Variants in SNTG1 observed in about 807,000 individuals in gnomAD.
SNTG1 encodes gamma-1-syntrophin.
Under a neutral mutation model 74.7 loss-of-function variants are expected in SNTG1, and 39 were observed. The ratio of observed to expected loss-of-function variants is 0.52; its 90% CI spans 0.40 to 0.68. The LOEUF (loss-of-function observed/expected upper bound fraction) is 0.68. SNTG1 is among the 30% of genes least tolerant of loss of function. The pLI, the probability that SNTG1 is intolerant of heterozygous loss-of-function variation, is 0.00. For synonymous variants in SNTG1, 254 were observed against 217.1 expected (o/e 1.17, Z -1.49); for missense variants, 685 against 609.5 (o/e 1.12, Z -1.30).
At chr8:50,664,146 A>G (rs2095239175) in intron 15 of SNTG1, among the ~76,000 whole-genome samples, 1 of 152,146 alleles carries the variant, frequency 6.6e-6, no homozygotes, top group Non-Finnish European at 1.5e-5. Flanking sequence ...AGAAAAACAA[A>G]AGCAAAAACT....
At chr8:50,236,632 A>G (rs953875319) in intron 2 of SNTG1, among the ~76,000 whole-genome samples, 10 of 151,736 alleles carry the variant, frequency 6.6e-5, no homozygotes, top group African/African-American at 2.4e-4. Context: ...TTGTGTTTTT[A>G]GTAGAGACGG....
At chr8:50,341,257 T>C (rs1321266323) in intron 2 of SNTG1, among the ~76,000 whole-genome samples, 3 of 151,948 alleles carry the variant, frequency 2.0e-5, no homozygotes, top group African/African-American at 7.2e-5. Context: ...TAGTCAGTAC[T>C]ATTAAAATAG....
At chr8:50,136,231 T>C (rs995002920) in intron 1 of SNTG1, among the ~76,000 whole-genome samples, 6 of 152,178 alleles carry the variant, frequency 3.9e-5, no homozygotes, top group Admixed American at 2.6e-4. Context: ...TGCATGTGTC[T>C]CTATGGTAGA....
Position 50,792,840 on chromosome 8 carries a change from T to A in SNTG1, c.*11T>A, listed in dbSNP as rs1462905453. 6.2e-7 allele frequency: 1 copy of A among 1,610,116 alleles called. No homozygotes were observed. Among genetic ancestry groups the A allele is most frequent in the Admixed American group, 1.7e-5 (1 of 59,720 alleles). ...AAGTATACAACTTGACATACTGAAC[T>A]CTTCATTGACACACCCCATGACTGT... On this transcript the variant is annotated 3_prime_UTR_variant, in exon 19 of 19. Coordinates refer to ENST00000642720, the MANE Select transcript of SNTG1 (RefSeq NM_018967.5).
intron 1 of SNTG1, among the ~76,000 whole-genome samples, chr8:49,995,710 G>A (rs908928220): frequency 1.3e-5 from 2 of 152,206 alleles, no homozygotes; most frequent in African/African-American, 4.8e-5. Context: ...GAGAGAGAAT[G>A]AGAAGTCAGC....
chr8:50,133,295 G>T (rs1002859695), intron 1 of SNTG1, among the ~76,000 whole-genome samples: 3 of 151,950 alleles, frequency 2.0e-5, no homozygotes, highest in African/African-American at 7.3e-5. Flanking sequence ...TCTCCATAAG[G>T]CCTCAACAGG....
Position 50,651,330 on chromosome 8 carries a change from A to T in SNTG1, c.850-5579A>T, listed in dbSNP as rs538758717. ...CTTGATCTAGATTCCTGGATTACAG[A>T]TGTTGAGACTTAAAAAAATGCATAT... On this transcript the variant is annotated intron_variant, in intron 13 of 18. Transcript: ENST00000642720. Among the ~76,000 whole-genome samples the T allele has an allele frequency of 5.8e-4, 88 of 151,980 alleles. 1 individual carries two copies. The South Asian group carries it at 8.1e-3, about 14-fold the overall frequency.
chr8:50,214,657 G>A (rs1205338237), intron 2 of SNTG1, among the ~76,000 whole-genome samples: 1 of 152,040 alleles, frequency 6.6e-6, no homozygotes, highest in Non-Finnish European at 1.5e-5. Context: ...GGTGTTCTTT[G>A]TGTAATGTAA....
intron 1 of SNTG1, among the ~76,000 whole-genome samples, chr8:50,099,426 T>G (rs1297344078): frequency 6.6e-6 from 1 of 152,122 alleles, no homozygotes. Context: ...CCCATTATCT[T>G]AGCAATTTTC....
chr8:50,666,456 G>T (rs951304695), intron 15 of SNTG1, among the ~76,000 whole-genome samples: 41 of 152,004 alleles, frequency 2.7e-4, no homozygotes, highest in Non-Finnish European at 4.7e-4. Context: ...GTTTGTAGAA[G>T]GTACACACAC....
chr8:50,744,624 A>C (rs896397962), intron 17 of SNTG1, among the ~76,000 whole-genome samples: 2 of 152,012 alleles, frequency 1.3e-5, no homozygotes, highest in Non-Finnish European at 2.9e-5. Flanking sequence ...CAAAAGTTGT[A>C]GGTCTTTGAC....
intron 8 of SNTG1, among the ~76,000 whole-genome samples, chr8:50,469,747 G>T (rs1484048331): frequency 6.6e-6 from 1 of 152,188 alleles, no homozygotes; most frequent in East Asian, 1.9e-4. Flanking sequence ...AGGAGGCCAA[G>T]ATGGTCAGAT....
chr8:50,371,405 T>C (rs901954266), intron 2 of SNTG1, among the ~76,000 whole-genome samples: 6 of 152,186 alleles, frequency 3.9e-5, no homozygotes, highest in Admixed American at 3.9e-4. Flanking sequence ...CCAGCTACCA[T>C]GGCTTCTCCC....
intron 1 of SNTG1, among the ~76,000 whole-genome samples, chr8:50,151,944 A>G (rs2082083735): frequency 6.6e-6 from 1 of 152,158 alleles, no homozygotes; most frequent in African/African-American, 2.4e-5. Flanking sequence ...TGCCGAGCTG[A>G]GTTCAATTCC....
intron 2 of SNTG1, among the ~76,000 whole-genome samples, chr8:50,371,236 C>A (rs1232996004): frequency 6.6e-6 from 1 of 152,166 alleles, no homozygotes; most frequent in Non-Finnish European, 1.5e-5. Flanking sequence ...GCGTGAGCTG[C>A]CCATCATTAA....
chr8:50,664,825 T>A (rs1294444592), intron 15 of SNTG1, among the ~76,000 whole-genome samples: 1 of 152,092 alleles, frequency 6.6e-6, no homozygotes, highest in African/African-American at 2.4e-5. Flanking sequence ...ATGGGGAACA[T>A]AGAGGAGTAG....
intron 2 of SNTG1, among the ~76,000 whole-genome samples, chr8:50,360,872 A>C (rs2091937268): frequency 6.6e-6 from 1 of 152,186 alleles, no homozygotes; most frequent in Non-Finnish European, 1.5e-5. Context: ...TGGTAAGTGA[A>C]TATGAAGGCC....
chr8:50,712,033 T>C (rs892765037), intron 17 of SNTG1, among the ~76,000 whole-genome samples: 1 of 152,220 alleles, frequency 6.6e-6, no homozygotes, highest in African/African-American at 2.4e-5. Context: ...TTTTATATAG[T>C]GATAGAGTTC....
chr8:50,009,184 C>T lies in SNTG1; in HGVS notation c.-103+96953C>T, dbSNP rs1192769944. ...ATCCTTATTCTATATGGCCTGCATG[C>T]TATTTGACTGGGGACTGATTTTTAT... On this transcript the variant is annotated intron_variant, in intron 1 of 18. Transcript: ENST00000642720. Among the ~76,000 whole-genome samples the T allele has an allele frequency of 2.6e-5, 4 of 152,106 alleles. No homozygotes were observed. In the South Asian group the frequency reaches 8.3e-4, roughly 31 times the overall value.
Sources: allele counts gnomAD v4.1 joint callset (sites outside exome capture counted in the v4.1 genomes callset), GRCh38; gene constraint gnomAD v4.1.1; transcripts MANE v1.5; gene names NCBI Gene and HGNC (gene_info 2026-07-23, HGNC 2026-07-21).